The following USH2A variants were observed in gnomAD, a reference collection of about 807,000 sequenced individuals.
USH2A encodes the protein Usher syndrome 2A (autosomal recessive, mild).
USH2A carries 443 observed loss-of-function variants against 538.9 expected under a neutral mutation model. That is an observed-to-expected ratio of 0.82 (90% CI 0.76 to 0.89). The LOEUF (loss-of-function observed/expected upper bound fraction) is 0.89. USH2A is among the 40% of genes least tolerant of loss of function. USH2A has a pLI of 0.00. For missense variants in USH2A, 6,633 were observed against 6,324.8 expected, an observed-to-expected ratio of 1.05 and a Z score of -1.65; for synonymous variants, 2,413 against 2,273.5, an observed-to-expected ratio of 1.06 and a Z score of -1.75.
At chr1:216,352,299 G>T (rs1319187246) in intron 4 of USH2A, among the ~76,000 whole-genome samples, 1 of 152,074 alleles carries the variant, frequency 6.6e-6, no homozygotes, top group Non-Finnish European at 1.5e-5. Context: ...AAACTGAGAC[G>T]CAGCAACTAG....
chr1:216,364,427 G>A (rs1189279519), intron 4 of USH2A, among the ~76,000 whole-genome samples: 2 of 152,226 alleles, frequency 1.3e-5, no homozygotes, highest in East Asian at 1.9e-4. Context: ...TTATATAGTA[G>A]ATCCCAAAAG....
chr1:215,916,930 G>C (rs987105242), intron 38 of USH2A, among the ~76,000 whole-genome samples: 2 of 152,058 alleles, frequency 1.3e-5, no homozygotes, highest in Non-Finnish European at 2.9e-5. Context: ...CAGTGAATTT[G>C]TTAACCAAGA....
chr1:215,901,077 G>T, intron 38 of USH2A, 172 bp from the exon 39 acceptor site: 1 of 807,630 alleles, frequency 1.2e-6, no homozygotes, highest in Non-Finnish European at 2.0e-6. Flanking sequence ...CTTCCTTATT[G>T]TTCATTTCAA....
chr1:215,902,258 C>T (rs909936614), intron 38 of USH2A, among the ~76,000 whole-genome samples: 1 of 152,080 alleles, frequency 6.6e-6, no homozygotes, highest in Non-Finnish European at 1.5e-5. Flanking sequence ...TGTAGTGTGT[C>T]AATTTTACAT....
chr1:215,698,162 C>A (rs1448348616), intron 61 of USH2A, among the ~76,000 whole-genome samples: 1 of 152,084 alleles, frequency 6.6e-6, no homozygotes, highest in African/African-American at 2.4e-5. Context: ...TGAACTCATT[C>A]TTTTTTATGG....
intron 32 of USH2A, among the ~76,000 whole-genome samples, chr1:216,008,560 G>A (rs1223417390): frequency 1.3e-5 from 2 of 152,122 alleles, no homozygotes; most frequent in African/African-American, 4.8e-5. Flanking sequence ...ATGAAATTTG[G>A]TGCCGTGACT....
intron 63 of USH2A, among the ~76,000 whole-genome samples, chr1:215,673,767 G>A (rs998293355): frequency 5.3e-5 from 8 of 152,078 alleles, no homozygotes; most frequent in Non-Finnish European, 7.4e-5. Flanking sequence ...TGACCCTATC[G>A]GGGCTGTCAG....
intron 32 of USH2A, among the ~76,000 whole-genome samples, chr1:216,031,418 T>C (rs1481130461): frequency 6.6e-6 from 1 of 152,204 alleles, no homozygotes; most frequent in African/African-American, 2.4e-5. Context: ...GATTTTATTT[T>C]ACACTGACTA....
chr1:216,292,096 A>G, intron 10 of USH2A, 79 bp downstream of exon 10: 11 of 1,461,588 alleles, frequency 7.5e-6, no homozygotes, highest in Non-Finnish European at 1.1e-5. Flanking sequence ...GATAGCAATA[A>G]CATAATTTAA....
intron 4 of USH2A, among the ~76,000 whole-genome samples, chr1:216,337,331 A>G (rs1022118861): frequency 2.0e-5 from 3 of 151,522 alleles, no homozygotes; most frequent in Non-Finnish European, 4.4e-5. Context: ...GCATATAGAT[A>G]TTAAGAAATT....
intron 37 of USH2A, among the ~76,000 whole-genome samples, chr1:215,948,291 AT>A (rs989559053): frequency 3.0e-4 from 46 of 151,402 alleles, no homozygotes; most frequent in Admixed American, 1.5e-3. Context: ...CTACAAAAGA[AT>A]TTTTTTTTAT....
At chr1:215,786,236 T>G (rs1661795752) in intron 52 of USH2A, among the ~76,000 whole-genome samples, 1 of 152,174 alleles carries the variant, frequency 6.6e-6, no homozygotes, top group Non-Finnish European at 1.5e-5. Context: ...CATGCTTGGG[T>G]TTACCTCATC....
At chr1:215,894,343 A>T (rs1203913045) in intron 40 of USH2A, among the ~76,000 whole-genome samples, 2 of 152,142 alleles carry the variant, frequency 1.3e-5, no homozygotes, top group Admixed American at 6.6e-5. Flanking sequence ...TAAACATAAG[A>T]TGTTTGTCAT....
At chr1:216,295,845 G>T (rs1006552302) in intron 9 of USH2A, among the ~76,000 whole-genome samples, 1 of 151,904 alleles carries the variant, frequency 6.6e-6, no homozygotes. Context: ...GACAACAAAG[G>T]TTATTCTATT....
At chr1:216,079,176 A>G (rs1442684343) in intron 26 of USH2A, 38 of 152,146 alleles carry the variant, frequency 2.5e-4, no homozygotes, top group Admixed American at 2.5e-3. Context: ...TTTCCATAAA[A>G]GCATCATCTT....
chr1:215,958,089 T>C (rs989138799), intron 37 of USH2A, among the ~76,000 whole-genome samples: 2 of 152,136 alleles, frequency 1.3e-5, no homozygotes, highest in Admixed American at 6.5e-5. Context: ...GGTTCCCACA[T>C]ATAATTATTT....
At chr1:215,744,788 C>T (rs1333968806) in intron 58 of USH2A, among the ~76,000 whole-genome samples, 3 of 152,188 alleles carry the variant, frequency 2.0e-5, no homozygotes. Context: ...TGATCAATTG[C>T]TTCCTCAGGA....
intron 12 of USH2A, among the ~76,000 whole-genome samples, chr1:216,250,477 C>T (rs1417395421): frequency 2.0e-5 from 3 of 152,112 alleles, no homozygotes; most frequent in African/African-American, 7.2e-5. Context: ...ACAAAGGACC[C>T]TGTAGCACAG....
At chr1:216,287,085 T>A (rs2036900571) in intron 11 of USH2A, among the ~76,000 whole-genome samples, 2 of 152,178 alleles carry the variant, frequency 1.3e-5, no homozygotes, top group African/African-American at 4.8e-5. Flanking sequence ...ATGAAAAGAA[T>A]TACACACAAA....
Sources: allele counts gnomAD v4.1 joint callset (sites outside exome capture counted in the v4.1 genomes callset), GRCh38; gene constraint gnomAD v4.1.1; transcripts MANE v1.5; gene names NCBI Gene and HGNC (gene_info 2026-07-23, HGNC 2026-07-21).